The following DCDC2 variants were observed in gnomAD, a reference collection of about 807,000 sequenced individuals.
The protein encoded by DCDC2 is doublecortin domain containing 2, also known as doublecortin domain-containing protein 2.
DCDC2 carries 40 observed loss-of-function variants against 50.2 expected under a neutral mutation model. That is an observed-to-expected ratio of 0.80 (90% CI 0.62 to 1.04). The LOEUF (loss-of-function observed/expected upper bound fraction) is 1.04. Ranked by LOEUF, DCDC2 falls within the 50% of genes least tolerant of loss-of-function variation. The pLI is 0.00. For missense variants in DCDC2, 570 were observed against 581.9 expected, an observed-to-expected ratio of 0.98 and a Z score of 0.21; for synonymous variants, 234 against 210.6, an observed-to-expected ratio of 1.11 and a Z score of -0.96.
chr6:24,198,378 T>C (rs1761494299), intron 8 of DCDC2, among the ~76,000 whole-genome samples: 1 of 152,146 alleles, frequency 6.6e-6, no homozygotes, highest in Non-Finnish European at 1.5e-5. Flanking sequence ...TGGGGGGCAC[T>C]GCCTCACTCA....
At position 24,210,019 on chromosome 6, in the gene DCDC2, G is replaced by GGTGTGTGTGTGT. The variant is rs71002475; in HGVS notation, c.923-4929_923-4918dup. Among the ~76,000 whole-genome samples the GGTGTGTGTGTGT allele has an allele frequency of 1.2e-3, 170 of 145,260 alleles. 2 individuals carry two copies. In the East Asian group the frequency reaches 0.013, roughly 11 times the overall value. On this transcript the variant is annotated intron_variant, in intron 7 of 9. Coordinates refer to ENST00000378454, the MANE Select transcript of DCDC2 (RefSeq NM_016356.5). ...GCAGCTTTTAATGCAGCAGTATCAGGGTGTGTGTGTGTGTGTGTGTGTGTG... is the reference window on the plus strand; with the variant it reads ...GCAGCTTTTAATGCAGCAGTATCAGGGTGTGTGTGTGTGTGTGTGTGTGTGTGTGTGTGTGTG...
chr6:24,243,414 T>C (rs1402568739), intron 7 of DCDC2, among the ~76,000 whole-genome samples: 1 of 152,228 alleles, frequency 6.6e-6, no homozygotes, highest in Non-Finnish European at 1.5e-5. Context: ...CTGGGTAAAG[T>C]ACCACATCTG....
intron 9 of DCDC2, among the ~76,000 whole-genome samples, chr6:24,176,297 A>G (rs1005555161): frequency 7.0e-6 from 1 of 142,962 alleles, no homozygotes; most frequent in Non-Finnish European, 1.5e-5. Flanking sequence ...CCTTGTCACA[A>G]AAAAAAAGTC....
Position 24,283,333 on chromosome 6 carries a change from C to T in DCDC2, c.760-5122G>A, listed in dbSNP as rs189640753. ...AGCACTGAGGCTATAAAAGGAATGA[C>T]TTCTGGTCTGTCTTGCTTTGCACAA... On this transcript the variant is annotated intron_variant, in intron 6 of 9. Transcript: ENST00000378454. Among the ~76,000 whole-genome samples, 143 of 145,748 alleles carry T rather than the reference C, an allele frequency of 9.8e-4. 1 individual carries two copies. The highest frequency in any genetic ancestry group is 2.0e-4 in the Non-Finnish European group (13 of 65,386).
the DCDC2 span, among the ~76,000 whole-genome samples, chr6:24,377,830 A>G: frequency 1.3e-5 from 2 of 152,150 alleles, no homozygotes; most frequent in African/African-American, 4.8e-5. Context: ...TCTCCTAAAA[A>G]TACAAAAAAT....
chr6:24,235,125 T>C (rs1033576642), intron 7 of DCDC2, among the ~76,000 whole-genome samples: 2 of 152,200 alleles, frequency 1.3e-5, no homozygotes, highest in African/African-American at 4.8e-5. Context: ...CTATATTACA[T>C]CTAAAAACTT....
intron 7 of DCDC2, among the ~76,000 whole-genome samples, chr6:24,277,098 A>T (rs1040220177): frequency 6.6e-6 from 1 of 152,194 alleles, no homozygotes; most frequent in South Asian, 2.1e-4. Flanking sequence ...AGGAGTTCAA[A>T]CTGTCTCCTC....
Position 24,174,382 on chromosome 6 carries a change from T to G in DCDC2, c.*348A>C, listed in dbSNP as rs1420670147. On this transcript the variant is annotated 3_prime_UTR_variant, in exon 10 of 10. Coordinates refer to ENST00000378454, the MANE Select transcript of DCDC2 (RefSeq NM_016356.5). ...ATTCTACGCCTTCCTAGAGAAAAATTATTTAGAATAAACTGCCTTCTAAAC... is the reference window on the plus strand; with the variant it reads ...ATTCTACGCCTTCCTAGAGAAAAATGATTTAGAATAAACTGCCTTCTAAAC... 1 of 159,588 alleles carries G rather than the reference T, an allele frequency of 6.3e-6. No individual in the cohort carries two copies. Among genetic ancestry groups the G allele is most frequent in the Non-Finnish European group, 1.4e-5 (1 of 72,824 alleles). The allele number at this position is 159,588 out of a possible 1,614,324, so 9.9% of individuals were successfully genotyped here.
Position 24,278,207 on chromosome 6 carries a change from T to C in DCDC2, c.764A>G (p.Asn255Ser). The C allele has an allele frequency of 6.2e-7, 1 of 1,606,658 alleles. No homozygotes were observed. Among genetic ancestry groups the C allele is most frequent in the South Asian group, 1.1e-5 (1 of 88,868 alleles). Residue 255 changes from asparagine (N) to serine (S), a missense_variant, in exon 7 of 10, where the codon AAT becomes AGT. Transcript: ENST00000378454. The stretch of plus-strand genomic sequence containing the variant: ...AACTGTTGACTTAGAGTGGCGATCA[T>C]TTCCCTAAATGGCAAAGTATTAGAC... ...VGSRKSKGSG[N>S]DRHSKSTVGS...
chr6:24,231,563 TCCC>T (rs1340593063), intron 7 of DCDC2, among the ~76,000 whole-genome samples: 1 of 151,918 alleles, frequency 6.6e-6, no homozygotes, highest in African/African-American at 2.4e-5. Flanking sequence ...AATCCTCCCC[TCCC>T]CCATCCTCCA....
At chr6:24,290,475 T>C (rs1171409064) in intron 5 of DCDC2, among the ~76,000 whole-genome samples, 2 of 152,216 alleles carry the variant, frequency 1.3e-5, no homozygotes, top group Non-Finnish European at 2.9e-5. Flanking sequence ...AGTGGGATTA[T>C]GTTGTTTTTA....
the DCDC2 span, among the ~76,000 whole-genome samples, chr6:24,376,171 G>C: frequency 6.6e-6 from 1 of 152,210 alleles, no homozygotes. Flanking sequence ...GTCAGTTTCG[G>C]TCTCCTTGAA....
At chr6:24,195,665 G>C (rs1027159238) in intron 8 of DCDC2, among the ~76,000 whole-genome samples, 1 of 152,108 alleles carries the variant, frequency 6.6e-6, no homozygotes, top group Admixed American at 6.6e-5. Flanking sequence ...CCACCTTCTA[G>C]ATGCCCATAG....
chr6:24,383,122 T>C, the DCDC2 span, among the ~76,000 whole-genome samples: 1 of 151,082 alleles, frequency 6.6e-6, no homozygotes, highest in African/African-American at 2.4e-5. Flanking sequence ...AGGTCGGGAG[T>C]TGGAGACCAG....
At chr6:24,181,876 A>G (rs941318295) in intron 8 of DCDC2, among the ~76,000 whole-genome samples, 5 of 152,214 alleles carry the variant, frequency 3.3e-5, no homozygotes, top group Non-Finnish European at 7.3e-5. Context: ...TTGAAAAAGG[A>G]CAAAGATGGA....
intron 8 of DCDC2, among the ~76,000 whole-genome samples, chr6:24,200,696 C>T (rs910381617): frequency 6.6e-6 from 1 of 152,032 alleles, no homozygotes; most frequent in Non-Finnish European, 1.5e-5. Flanking sequence ...TTAAAAGACA[C>T]AGACTGCCAA....
At chr6:24,182,120 A>C (rs1475989625) in intron 8 of DCDC2, among the ~76,000 whole-genome samples, 1 of 152,232 alleles carries the variant, frequency 6.6e-6, no homozygotes, top group Non-Finnish European at 1.5e-5. Flanking sequence ...ATGCAAAAGA[A>C]TGAAGTTGTA....
intron 2 of DCDC2, among the ~76,000 whole-genome samples, chr6:24,320,303 C>T (rs898478369): frequency 6.6e-6 from 1 of 152,052 alleles, no homozygotes; most frequent in Non-Finnish European, 1.5e-5. Flanking sequence ...AGTACAAACT[C>T]AATTTTTTGG....
chr6:24,189,916 G>C (rs74389175), intron 8 of DCDC2, among the ~76,000 whole-genome samples: 4,006 of 152,176 alleles, frequency 0.026, 84 homozygotes, highest in African/African-American at 0.058. Flanking sequence ...TGAAAATACA[G>C]AAGTTATCGT....
Sources: gnomAD v4.1 joint callset for allele counts (sites outside exome capture counted in the v4.1 genomes callset) on GRCh38, gnomAD v4.1.1 for gene constraint, MANE v1.5 for transcripts, NCBI Gene and HGNC (gene_info 2026-07-23, HGNC 2026-07-21) for gene names.